The following MIR2052HG variants were observed in gnomAD, a reference collection of about 807,000 sequenced individuals.
MIR2052HG encodes MIR2052 host gene.
intron 2 of MIR2052HG, among the ~76,000 whole-genome samples, chr8:74,678,994 A>G (rs1204697524): frequency 6.6e-6 from 1 of 152,208 alleles, no homozygotes; most frequent in Non-Finnish European, 1.5e-5. Flanking sequence ...CATAAAGTTC[A>G]ACATTCCATC....
chr8:74,653,883 T>A (rs1808776979), intron 2 of MIR2052HG, among the ~76,000 whole-genome samples: 1 of 152,194 alleles, frequency 6.6e-6, no homozygotes, highest in Non-Finnish European at 1.5e-5. Context: ...ATGACAGATA[T>A]AGAATTATGA....
intron 2 of MIR2052HG, among the ~76,000 whole-genome samples, chr8:74,677,977 T>C (rs1256431547): frequency 6.6e-6 from 1 of 152,086 alleles, no homozygotes; most frequent in Non-Finnish European, 1.5e-5. Flanking sequence ...GAGCGGAAAT[T>C]GAAAAGATAG....
In MIR2052HG at chr8:74,724,500, G is replaced by A. The variant is rs116910796; in HGVS notation, n.371+20818G>A. On this transcript the variant is annotated intron_variant and non_coding_transcript_variant, in intron 4 of 6. Coordinates refer to ENST00000523442, the Ensembl canonical transcript of MIR2052HG. ...AATTTGCTTTTCAGAGAGAATAACA[G>A]CACCATAAAAAGTGCTGTCACAGAA... is the stretch of plus-strand genomic sequence containing the variant. 1.2e-4 allele frequency among the ~76,000 whole-genome samples: 19 copies of A among 152,256 alleles called. No individual in the cohort carries two copies. In the East Asian group the frequency reaches 3.1e-3, roughly 25 times the overall value.
chr8:74,677,668 A>G (rs1324382794), intron 2 of MIR2052HG, among the ~76,000 whole-genome samples: 6 of 152,164 alleles, frequency 3.9e-5, no homozygotes, highest in Non-Finnish European at 8.8e-5. Flanking sequence ...ATATATCAAG[A>G]CTTATAGTAT....
At chr8:74,678,563 C>CAA (rs763073114) in intron 2 of MIR2052HG, among the ~76,000 whole-genome samples, 918 of 52,984 alleles carry the variant, frequency 0.017, 27 homozygotes, top group African/African-American at 0.049. Context: ...GAGTTTGTCT[C>CAA]AAAAAAAAAA....
intron 2 of MIR2052HG, among the ~76,000 whole-genome samples, chr8:74,648,173 T>C (rs1310846846): frequency 6.6e-6 from 1 of 152,130 alleles, no homozygotes; most frequent in Non-Finnish European, 1.5e-5. Flanking sequence ...ACTGAATTCT[T>C]TTCCCAGCAA....
At chr8:74,600,866 G>A (rs73335500) in intron 1 of MIR2052HG, among the ~76,000 whole-genome samples, 13,995 of 152,120 alleles carry the variant, frequency 0.092, 927 homozygotes, top group African/African-American at 0.19. Flanking sequence ...GAGCCACCGC[G>A]CCTGGCCTAT....
intron 4 of MIR2052HG, among the ~76,000 whole-genome samples, chr8:74,728,865 C>T (rs1809661772): frequency 6.6e-6 from 1 of 152,086 alleles, no homozygotes; most frequent in Non-Finnish European, 1.5e-5. Context: ...CCCAGTTTTC[C>T]TTATTGCATG....
At chr8:74,611,196 G>T (rs567914173) in intron 1 of MIR2052HG, among the ~76,000 whole-genome samples, 166 of 151,938 alleles carry the variant, frequency 1.1e-3, no homozygotes, top group African/African-American at 3.8e-3. Flanking sequence ...ATATATAATG[G>T]CAAATAAGCA....
At chr8:74,749,015 G>T (rs1340873196) in intron 4 of MIR2052HG, among the ~76,000 whole-genome samples, 1 of 152,052 alleles carries the variant, frequency 6.6e-6, no homozygotes, top group Non-Finnish European at 1.5e-5. Context: ...AACTTTGCAT[G>T]CCTCTTGGAT....
At chr8:74,695,188 G>C (rs1809283280) in intron 2 of MIR2052HG, among the ~76,000 whole-genome samples, 1 of 152,116 alleles carries the variant, frequency 6.6e-6, no homozygotes, top group South Asian at 2.1e-4. Flanking sequence ...AAACAGCCAT[G>C]AATTTTGTAT....
At chr8:74,716,837 T>C (rs921270194) in intron 4 of MIR2052HG, among the ~76,000 whole-genome samples, 2 of 152,184 alleles carry the variant, frequency 1.3e-5, no homozygotes, top group African/African-American at 2.4e-5. Context: ...GAACTTATTT[T>C]GGATTATTTT....
At chr8:74,706,497 G>A (rs1208192784) in intron 4 of MIR2052HG, among the ~76,000 whole-genome samples, 4 of 151,960 alleles carry the variant, frequency 2.6e-5, no homozygotes, top group Non-Finnish European at 4.4e-5. Flanking sequence ...TTTCTATAGC[G>A]AAATTCAGGA....
At chr8:74,736,039 C>T (rs960554392) in intron 4 of MIR2052HG, among the ~76,000 whole-genome samples, 4 of 152,046 alleles carry the variant, frequency 2.6e-5, no homozygotes, top group Non-Finnish European at 5.9e-5. Context: ...ACTTCTGTGC[C>T]CTGAGACAGA....
At chr8:74,701,352 G>T (rs957153297) in intron 2 of MIR2052HG, among the ~76,000 whole-genome samples, 6 of 152,082 alleles carry the variant, frequency 3.9e-5, no homozygotes, top group African/African-American at 7.2e-5. Flanking sequence ...TAAGCATTTG[G>T]TTAGTTTTGC....
intron 2 of MIR2052HG, among the ~76,000 whole-genome samples, chr8:74,664,046 C>T (rs1383142771): frequency 6.6e-6 from 1 of 152,032 alleles, no homozygotes; most frequent in African/African-American, 2.4e-5. Flanking sequence ...ACTGTATGTT[C>T]TCACTTGTAA....
chr8:74,713,166 T>C (rs1019768395), intron 4 of MIR2052HG, among the ~76,000 whole-genome samples: 1 of 152,214 alleles, frequency 6.6e-6, no homozygotes, highest in African/African-American at 2.4e-5. Flanking sequence ...GTCCTGTGCA[T>C]GTGTTAATAA....
chr8:74,602,848 T>TCTTTCTTTCTTTCTTTCTTTCTTTCTTTC, intron 1 of MIR2052HG, among the ~76,000 whole-genome samples: 1 of 142,952 alleles, frequency 7.0e-6, no homozygotes, highest in Non-Finnish European at 1.5e-5. Flanking sequence ...TTTCTTTCTT[T>TCTTTCTTTCTTTCTTTCTTTCTTTCTTTC]CTTTCTTTCT....
At chr8:74,662,697 T>C (rs1563526076) in intron 2 of MIR2052HG, among the ~76,000 whole-genome samples, 1 of 152,194 alleles carries the variant, frequency 6.6e-6, no homozygotes, top group Admixed American at 6.5e-5. Context: ...CTGTTTCCAC[T>C]TATAGGGTGG....
Sources: gnomAD v4.1 joint callset for allele counts (sites outside exome capture counted in the v4.1 genomes callset) on GRCh38, gnomAD v4.1.1 for gene constraint, MANE v1.5 for transcripts, NCBI Gene and HGNC (gene_info 2026-07-23, HGNC 2026-07-21) for gene names.